The following SLC9A9 variants were observed in gnomAD, a reference collection of about 807,000 sequenced individuals.
SLC9A9 encodes solute carrier family 9 member A9, also known as sodium/hydrogen exchanger 9.
In SLC9A9, 62 loss-of-function variants were observed where a neutral mutation model predicts 77.8. The ratio of observed to expected loss-of-function variants is 0.80; its 90% CI spans 0.65 to 0.98. SLC9A9 has a LOEUF of 0.98. Among genes scored for constraint, SLC9A9 ranks in the 50% least tolerant of loss-of-function variants. The pLI is 0.00. For missense variants in SLC9A9, 775 were observed against 774.9 expected, an observed-to-expected ratio of 1.00 and a Z score of 0.00; for synonymous variants, 320 against 283.5, an observed-to-expected ratio of 1.13 and a Z score of -1.29.
rs144656161 is a variant in SLC9A9 at position 143,778,456 on chromosome 3, C to T, written c.533+16545G>A. On this transcript the variant is annotated intron_variant, in intron 4 of 15. Coordinates refer to ENST00000316549, the MANE Select transcript of SLC9A9 (RefSeq NM_173653.4). ...ATATCGCACAGCAATTTCACTATGG[C>T]GAATACTGGAATTCTTTAATACAGG... Among the ~76,000 whole-genome samples, 41 of 152,106 alleles carry T rather than the reference C, an allele frequency of 2.7e-4. No individual in the cohort carries two copies. The East Asian group carries it at 5.6e-3, about 21-fold the overall frequency.
intron 5 of SLC9A9, among the ~76,000 whole-genome samples, chr3:143,663,108 C>G (rs926503624): frequency 6.6e-6 from 1 of 152,186 alleles, no homozygotes; most frequent in African/African-American, 2.4e-5. Context: ...GATCAGGTAG[C>G]AACTTTGGCT....
At chr3:143,636,420 T>A (rs1473537154) in intron 6 of SLC9A9, among the ~76,000 whole-genome samples, 1 of 152,202 alleles carries the variant, frequency 6.6e-6, no homozygotes, top group Non-Finnish European at 1.5e-5. Context: ...AAGTAGACAA[T>A]CATATCCGCT....
intron 2 of SLC9A9, among the ~76,000 whole-genome samples, chr3:143,798,557 A>C (rs1003085591): frequency 1.3e-5 from 2 of 152,126 alleles, no homozygotes; most frequent in African/African-American, 4.8e-5. Flanking sequence ...CTGTGTTCTC[A>C]AGAACTTAAA....
At chr3:143,462,194 T>A (rs1013056851) in intron 12 of SLC9A9, among the ~76,000 whole-genome samples, 1 of 152,132 alleles carries the variant, frequency 6.6e-6, no homozygotes, top group African/African-American at 2.4e-5. Flanking sequence ...TAATGAGACC[T>A]CATCTCTGCT....
chr3:143,479,529 A>G (rs12489165), intron 11 of SLC9A9, among the ~76,000 whole-genome samples: 17,873 of 152,212 alleles, frequency 0.12, 1,204 homozygotes, highest in South Asian at 0.2. Context: ...CTGGGATTAT[A>G]GGTGTGAGCC....
intron 4 of SLC9A9, among the ~76,000 whole-genome samples, chr3:143,709,370 G>T (rs1338233891): frequency 1.3e-5 from 2 of 152,104 alleles, no homozygotes; most frequent in Non-Finnish European, 2.9e-5. Context: ...TACCCCTGGG[G>T]ACTCTAAAGT....
At chr3:143,459,648 TGA>T (rs2035155903) in intron 12 of SLC9A9, among the ~76,000 whole-genome samples, 1 of 152,146 alleles carries the variant, frequency 6.6e-6, no homozygotes, top group Non-Finnish European at 1.5e-5. Flanking sequence ...AGCCTAATTT[TGA>T]GCTCGAAAAT....
At chr3:143,498,025 A>C (rs2035866052) in intron 9 of SLC9A9, among the ~76,000 whole-genome samples, 1 of 152,212 alleles carries the variant, frequency 6.6e-6, no homozygotes, top group Non-Finnish European at 1.5e-5. Flanking sequence ...ATGGAGGCCC[A>C]TAATTTTAAG....
intron 2 of SLC9A9, among the ~76,000 whole-genome samples, chr3:143,803,393 A>G (rs1426131358): frequency 6.6e-6 from 1 of 152,172 alleles, no homozygotes; most frequent in Non-Finnish European, 1.5e-5. Flanking sequence ...AGAGCCCCCA[A>G]AACTAGTCAT....
chr3:143,528,588 G>T (rs2036447215), intron 9 of SLC9A9, among the ~76,000 whole-genome samples: 1 of 152,088 alleles, frequency 6.6e-6, no homozygotes, highest in African/African-American at 2.4e-5. Context: ...CTGTGAGGGT[G>T]GGAACTCTTT....
rs116586960 is a variant in SLC9A9 at position 143,389,830 on chromosome 3, G to A, written c.1470-7716C>T. On this transcript the variant is annotated intron_variant, in intron 12 of 15. Transcript: ENST00000316549. The stretch of plus-strand genomic sequence containing the variant: ...GAGAAGGGTGTGGCATGTCAAGTAT[G>A]TAAAGACAGTTTGGACGTCTTATTT... Among the ~76,000 whole-genome samples, 644 of 152,314 alleles carry A rather than the reference G, an allele frequency of 4.2e-3. 4 individuals are homozygous for A. The highest frequency in any genetic ancestry group is 0.015 in the African/African-American group (613 of 41,562).
intron 12 of SLC9A9, among the ~76,000 whole-genome samples, chr3:143,465,945 G>A (rs2035273626): frequency 6.6e-6 from 1 of 152,156 alleles, no homozygotes; most frequent in Admixed American, 6.5e-5. Flanking sequence ...TTGGTTTAAT[G>A]CATAACCAGT....
chr3:143,360,392 C>T (rs77481965), intron 14 of SLC9A9, among the ~76,000 whole-genome samples: 6,854 of 152,152 alleles, frequency 0.045, 340 homozygotes, highest in African/African-American at 0.12. Flanking sequence ...CATAATGAAC[C>T]TTAATTAATC....
At chr3:143,592,054 T>C (rs6808665) in intron 6 of SLC9A9, among the ~76,000 whole-genome samples, 14,679 of 152,220 alleles carry the variant, frequency 0.096, 1,287 homozygotes, top group African/African-American at 0.23. Context: ...CTTAAAACTT[T>C]CATCACCTTC....
At position 143,459,618 on chromosome 3, in the gene SLC9A9, G is replaced by C. The variant is rs549581285; in HGVS notation, c.1469+7419C>G. Among the ~76,000 whole-genome samples the C allele has an allele frequency of 2.6e-5, 4 of 152,086 alleles. No homozygotes were observed. In the South Asian group the frequency reaches 8.3e-4, roughly 32 times the overall value. ...ATTGTCTTAGGTGTATGCTGTTTAG[G>C]CTCAGACACATGCATATACAGCCTA... On this transcript the variant is annotated intron_variant, in intron 12 of 15. Coordinates refer to ENST00000316549, the MANE Select transcript of SLC9A9 (RefSeq NM_173653.4).
intron 6 of SLC9A9, among the ~76,000 whole-genome samples, chr3:143,624,873 T>A (rs2038290229): frequency 6.6e-6 from 1 of 152,192 alleles, no homozygotes; most frequent in Non-Finnish European, 1.5e-5. Context: ...CCCCATCATC[T>A]CAGCCCAAAA....
At position 143,704,202 on chromosome 3, in the gene SLC9A9, G is replaced by T. The variant is rs1354878325; in HGVS notation, c.534-10895C>A. Among the ~76,000 whole-genome samples the T allele has an allele frequency of 2.0e-5, 3 of 151,874 alleles. No homozygotes were observed. The East Asian group carries it at 5.8e-4, about 29-fold the overall frequency. On this transcript the variant is annotated intron_variant, in intron 4 of 15. Coordinates refer to ENST00000316549, the MANE Select transcript of SLC9A9 (RefSeq NM_173653.4). The stretch of plus-strand genomic sequence containing the variant: ...TTCTGAAAAATAGAGGAGAAGGAGG[G>T]AATACTTTCACATTCATATTATGAG...
chr3:143,814,338 A>G (rs574378606), intron 2 of SLC9A9, among the ~76,000 whole-genome samples: 36 of 152,192 alleles, frequency 2.4e-4, no homozygotes, highest in Non-Finnish European at 4.1e-4. Flanking sequence ...GGAAAAAATG[A>G]GTTGATGAGC....
intron 6 of SLC9A9, among the ~76,000 whole-genome samples, chr3:143,603,207 A>C (rs1264564069): frequency 6.6e-6 from 1 of 152,244 alleles, no homozygotes; most frequent in African/African-American, 2.4e-5. Context: ...AATGGTCTTC[A>C]TCCAATACTT....
Sources: allele counts gnomAD v4.1 joint callset (sites outside exome capture counted in the v4.1 genomes callset), GRCh38; gene constraint gnomAD v4.1.1; transcripts MANE v1.5; gene names NCBI Gene and HGNC (gene_info 2026-07-23, HGNC 2026-07-21).